The following MYEF2 variants were observed in gnomAD, a reference collection of about 807,000 sequenced individuals.
MYEF2 encodes myelin gene expression factor 2.
A neutral mutation model predicts 75.2 loss-of-function variants in MYEF2; 37 were observed. The observed-to-expected ratio is 0.49, with a 90% CI of 0.38 to 0.65. The LOEUF (loss-of-function observed/expected upper bound fraction) is 0.65, where lower values mean the gene tolerates loss of function less well. Among genes scored for constraint, MYEF2 ranks in the 30% least tolerant of loss-of-function variants. The pLI is 0.00. For missense variants in MYEF2, 634 were observed against 771.4 expected, an observed-to-expected ratio of 0.82 and a Z score of 2.11; for synonymous variants, 195 against 241.6, an observed-to-expected ratio of 0.81 and a Z score of 1.79.
Position 48,158,940 on chromosome 15 carries a change from T to C in MYEF2, c.718-18A>G. The C allele has an allele frequency of 6.2e-7, 1 of 1,607,134 alleles. No individual in the cohort carries two copies. The highest frequency in any genetic ancestry group is 1.1e-5 in the South Asian group (1 of 90,738). ...AAGTCAAGCTTAATATAAAATTGTA[T>C]AAAGTTACATACCTAATAAATCCAT... On this transcript the variant is annotated intron_variant, in intron 6 of 16. Transcript: ENST00000324324.
rs1467186440 is a variant in MYEF2, at chr15:48,142,028, G to C, written c.*880C>G. On this transcript the variant is annotated 3_prime_UTR_variant, in exon 17 of 17. Coordinates refer to ENST00000324324, the MANE Select transcript of MYEF2 (RefSeq NM_016132.5). ...TTTAACAGTATGCTTTTCTTTTGTA[G>C]GGAAAGGAGATATGGCTATGTCTAA... 6.3e-7 allele frequency: 1 copy of C among 1,599,854 alleles called. No homozygotes were observed. The highest frequency in any genetic ancestry group is 8.5e-7 in the Non-Finnish European group (1 of 1,171,552).
intron 1 of MYEF2, among the ~76,000 whole-genome samples, chr15:48,177,283 A>C (rs2040566904): frequency 6.6e-6 from 1 of 152,138 alleles, no homozygotes; most frequent in Non-Finnish European, 1.5e-5. Flanking sequence ...GGTCAACTAA[A>C]TTCTTTATAG....
chr15:48,172,163 G>C (rs1001282651), intron 1 of MYEF2, among the ~76,000 whole-genome samples: 2 of 152,122 alleles, frequency 1.3e-5, no homozygotes, highest in African/African-American at 4.8e-5. Flanking sequence ...ACTTTGGGAG[G>C]CCAAGGCAGG....
chr15:48,158,032 C>A lies in MYEF2; in HGVS notation c.946G>T (p.Glu316Ter). 1 of 1,613,174 alleles carries A rather than the reference C, an allele frequency of 6.2e-7. No homozygotes were observed. Residue 316 changes from glutamate to a stop codon, truncating the protein, a stop_gained, in exon 9 of 17, where the codon GAG (glutamate) becomes TAG (stop). Transcript: ENST00000324324. LOFTEE classifies it high-confidence loss of function. ...GTTTTACCATCATGTGAACGGTACT[C>A]TTCATGAGGAACAGACTTGTCATCC... Reference protein sequence around the residue: ...KMDDKSVPHEEYRSHDGKTPQ... With the variant: ...KMDDKSVPHE
Position 48,134,857 on chromosome 15 carries a change from T to C in MYEF2, c.*8051A>G. ...TGTACTTGAAGAAGTTACAATGTAATGGAAATAATAACTTACCATATTACA... is the reference window on the plus strand; with the variant it reads ...TGTACTTGAAGAAGTTACAATGTAACGGAAATAATAACTTACCATATTACA... On this transcript the variant is annotated 3_prime_UTR_variant, in exon 17 of 17. Coordinates refer to ENST00000324324, the MANE Select transcript of MYEF2 (RefSeq NM_016132.5). The C allele has an allele frequency of 6.6e-7, 1 of 1,512,178 alleles. No homozygotes were observed. Among genetic ancestry groups the C allele is most frequent in the Non-Finnish European group, 9.1e-7 (1 of 1,096,640 alleles). 93.7% of individuals were successfully genotyped at this position (1,512,178 alleles called of 1,614,324 possible). A position where few individuals can be genotyped will look rare whatever the true frequency, so the allele number is the denominator to read the frequency against.
At chr15:48,145,043 C>T (rs941707185) in intron 16 of MYEF2, among the ~76,000 whole-genome samples, 1 of 151,792 alleles carries the variant, frequency 6.6e-6, no homozygotes, top group Non-Finnish European at 1.5e-5. Context: ...CTTAAATTGC[C>T]TCTTTCAGTT....
intron 10 of MYEF2, chr15:48,153,348 C>T (rs1781464204): frequency 1.3e-5 from 2 of 152,096 alleles, no homozygotes; most frequent in South Asian, 4.1e-4. Context: ...ATAAAAGGGT[C>T]CTAACACCAA....
At position 48,136,628 on chromosome 15, in the gene MYEF2, C is replaced by T; in HGVS notation, c.*6280G>A. 6.7e-7 allele frequency: 1 copy of T among 1,483,454 alleles called. No individual in the cohort carries two copies. Among genetic ancestry groups the T allele is most frequent in the South Asian group, 1.3e-5 (1 of 75,154 alleles). 91.9% of individuals were successfully genotyped at this position (1,483,454 alleles called of 1,614,324 possible). ...TCAATAGATACTGCCCAAAAGCTATCAACTCTAAAATGACTTTCACTTTTA... is the reference window on the plus strand; with the variant it reads ...TCAATAGATACTGCCCAAAAGCTATTAACTCTAAAATGACTTTCACTTTTA... On this transcript the variant is annotated 3_prime_UTR_variant, in exon 17 of 17. Transcript: ENST00000324324.
rs1207407822 is a variant in MYEF2, at chr15:48,138,781, T to C, written c.*4127A>G. 1.4e-5 allele frequency: 8 copies of C among 562,246 alleles called. No homozygotes were observed. Among genetic ancestry groups the C allele is most frequent in the Admixed American group, 6.3e-5 (2 of 31,882 alleles). The allele number at this position is 562,246 out of a possible 1,614,324, so 34.8% of individuals were successfully genotyped here. ...GAAATGCGGAGTATCACATCTTACA[T>C]TGTCTGCCCTAAAGTTTCAATTAGT... On this transcript the variant is annotated 3_prime_UTR_variant, in exon 17 of 17. Coordinates refer to ENST00000324324, the MANE Select transcript of MYEF2 (RefSeq NM_016132.5).
At chr15:48,173,025 G>T in intron 1 of MYEF2, among the ~76,000 whole-genome samples, 1 of 152,066 alleles carries the variant, frequency 6.6e-6, no homozygotes, top group East Asian at 1.9e-4. Flanking sequence ...TGATAACAAC[G>T]CAAGACAAGG....
At chr15:48,148,936 C>T (rs186042188) in intron 16 of MYEF2, 96 bp downstream of exon 16, 37 of 1,251,752 alleles carry the variant, frequency 3.0e-5, no homozygotes, top group East Asian at 1.2e-4. Flanking sequence ...AATAGGCATC[C>T]GGACAGGCAA....
intron 5 of MYEF2, among the ~76,000 whole-genome samples, chr15:48,160,907 C>CA (rs1259966400): frequency 5.9e-5 from 9 of 151,906 alleles, no homozygotes; most frequent in African/African-American, 2.2e-4. Context: ...AAGAATGCTT[C>CA]AAAACATATA....
chr15:48,156,432 T>A lies in MYEF2; in HGVS notation c.985+1561A>T, dbSNP rs574635106. ...ATAGATGTAGCAAAAACTTAAGAGA[T>A]AATTTAAGCCAAAATATTTGAAAAT... On this transcript the variant is annotated intron_variant, in intron 9 of 16. Coordinates refer to ENST00000324324, the MANE Select transcript of MYEF2 (RefSeq NM_016132.5). Among the ~76,000 whole-genome samples, 3 of 151,606 alleles carry A rather than the reference T, an allele frequency of 2.0e-5. No individual in the cohort carries two copies. The South Asian group carries it at 6.2e-4, about 32-fold the overall frequency.
At chr15:48,144,690 T>C (rs1387012235) in intron 16 of MYEF2, among the ~76,000 whole-genome samples, 1 of 151,826 alleles carries the variant, frequency 6.6e-6, no homozygotes, top group Non-Finnish European at 1.5e-5. Flanking sequence ...AATTTAAAGA[T>C]AAATGCAGCA....
chr15:48,148,844 A>C (rs1250270394), intron 16 of MYEF2, among the ~76,000 whole-genome samples, 188 bp downstream of exon 16: 1 of 152,012 alleles, frequency 6.6e-6, no homozygotes, highest in African/African-American at 2.4e-5. Context: ...TAGTAATAGC[A>C]CTGCTCTAAG....
At position 48,149,443 on chromosome 15, in the gene MYEF2, G is replaced by T; in HGVS notation, c.1379-72C>A. ...TGTTTCAAAAACATAAGGAAAAGGA[G>T]AAGAGGAGAAAGGAGGAAAAGGAGA... On this transcript the variant is annotated intron_variant, in intron 14 of 16. Coordinates refer to ENST00000324324, the MANE Select transcript of MYEF2 (RefSeq NM_016132.5). This position sits in a 1 kb window ranked among gnomAD's most constrained non-coding sequence, Gnocchi z 4.0. 1 of 1,396,450 alleles carries T rather than the reference G, an allele frequency of 7.2e-7. No individual in the cohort carries two copies. Among genetic ancestry groups the T allele is most frequent in the Non-Finnish European group, 1.0e-6 (1 of 991,344 alleles). The allele number at this position is 1,396,450 out of a possible 1,614,324, so 86.5% of individuals were successfully genotyped here.
At chr15:48,148,383 C>T (rs1180677336) in intron 16 of MYEF2, among the ~76,000 whole-genome samples, 1 of 151,858 alleles carries the variant, frequency 6.6e-6, no homozygotes, top group African/African-American at 2.4e-5. Context: ...AGTGATAAAC[C>T]ACCTAATCTT....
intron 5 of MYEF2, among the ~76,000 whole-genome samples, chr15:48,160,063 T>C (rs2039877253): frequency 1.3e-5 from 2 of 152,048 alleles, no homozygotes; most frequent in African/African-American, 4.8e-5. Context: ...TTAGTTTAAT[T>C]TTGCTCTCAC....
At chr15:48,167,282 A>G (rs2040167111) in intron 3 of MYEF2, 67 bp downstream of exon 3, 4 of 1,491,230 alleles carry the variant, frequency 2.7e-6, no homozygotes, top group Non-Finnish European at 3.7e-6. Flanking sequence ...TGGTACAAGT[A>G]TTATACAAAA....
Sources: gnomAD v4.1 joint callset for allele counts (sites outside exome capture counted in the v4.1 genomes callset) on GRCh38, gnomAD v4.1.1 for gene constraint, Gnocchi (gnomAD v3.1) non-coding constraint, MANE v1.5 for transcripts, NCBI Gene and HGNC (gene_info 2026-07-23, HGNC 2026-07-21) for gene names.